The following NKAIN2 variants were observed in gnomAD, a reference collection of about 807,000 sequenced individuals.
NKAIN2 encodes sodium/potassium-transporting ATPase subunit beta-1-interacting protein 2.
A neutral mutation model predicts 32.6 loss-of-function variants in NKAIN2; 14 were observed. The ratio of observed to expected loss-of-function variants is 0.43; its 90% CI spans 0.28 to 0.67. The LOEUF (loss-of-function observed/expected upper bound fraction) is 0.67, where lower values mean the gene tolerates loss of function less well. Ranked by LOEUF, NKAIN2 falls within the 30% of genes least tolerant of loss-of-function variation. NKAIN2 has a pLI of 0.17. For missense variants in NKAIN2, 198 were observed against 258.3 expected (o/e 0.77, Z 1.60); for synonymous variants, 80 against 87.2 (o/e 0.92, Z 0.46).
intron 5 of NKAIN2, among the ~76,000 whole-genome samples, chr6:124,798,077 ATCT>A (rs1780090954): frequency 3.1e-5 from 2 of 64,686 alleles, no homozygotes; most frequent in African/African-American, 7.1e-5. Flanking sequence ...CTATCTATCT[ATCT>A]ATCTATCTAT....
intron 2 of NKAIN2, among the ~76,000 whole-genome samples, chr6:124,304,578 G>A (rs1047770700): frequency 6.6e-6 from 1 of 152,202 alleles, no homozygotes; most frequent in Non-Finnish European, 1.5e-5. Context: ...GCGAGTAGTG[G>A]TCAATAGTAG....
chr6:124,034,192 T>C (rs575744931), intron 1 of NKAIN2, among the ~76,000 whole-genome samples: 2 of 152,072 alleles, frequency 1.3e-5, no homozygotes, highest in Non-Finnish European at 2.9e-5. Flanking sequence ...GTGCACCATG[T>C]AATGCTGGGG....
chr6:124,047,936 T>G (rs1034015069), intron 1 of NKAIN2, among the ~76,000 whole-genome samples: 1 of 152,040 alleles, frequency 6.6e-6, no homozygotes, highest in Non-Finnish European at 1.5e-5. Flanking sequence ...GGCCTATGAA[T>G]CAAATACTAA....
At chr6:123,825,941 G>T (rs1228878246) in intron 1 of NKAIN2, among the ~76,000 whole-genome samples, 1 of 152,150 alleles carries the variant, frequency 6.6e-6, no homozygotes, top group Non-Finnish European at 1.5e-5. Context: ...AAGTGATTAA[G>T]AACTGCTGTG....
At chr6:124,441,997 G>C (rs559068911) in intron 3 of NKAIN2, among the ~76,000 whole-genome samples, 1 of 151,910 alleles carries the variant, frequency 6.6e-6, no homozygotes, top group African/African-American at 2.4e-5. Flanking sequence ...CTAGCACTTG[G>C]GCTGATGCTG....
At chr6:123,957,162 T>C (rs1209933132) in intron 1 of NKAIN2, among the ~76,000 whole-genome samples, 1 of 152,186 alleles carries the variant, frequency 6.6e-6, no homozygotes, top group African/African-American at 2.4e-5. Flanking sequence ...TTTTTATGCG[T>C]ATAAATTGGG....
intron 3 of NKAIN2, among the ~76,000 whole-genome samples, chr6:124,615,854 C>A (rs1782867561): frequency 6.6e-6 from 1 of 152,094 alleles, no homozygotes; most frequent in Admixed American, 6.6e-5. Flanking sequence ...ACTTGTTTCT[C>A]TGCCATCTTC....
chr6:123,825,380 A>T (rs928526), intron 1 of NKAIN2, among the ~76,000 whole-genome samples: 9 of 152,092 alleles, frequency 5.9e-5, no homozygotes, highest in African/African-American at 2.2e-4. Context: ...TTCTAGCTTA[A>T]GTTGTTGATA....
chr6:124,549,870 T>G (rs1243589465), intron 3 of NKAIN2, among the ~76,000 whole-genome samples: 1 of 152,198 alleles, frequency 6.6e-6, no homozygotes, highest in Admixed American at 6.5e-5. Flanking sequence ...AAATGAATTC[T>G]TGGTAATGTT....
At chr6:124,643,288 T>G (rs778687133) in intron 3 of NKAIN2, among the ~76,000 whole-genome samples, 13 of 152,196 alleles carry the variant, frequency 8.5e-5, no homozygotes, top group Non-Finnish European at 1.8e-4. Context: ...TCCCATCTCA[T>G]AAGTATAAGG....
At chr6:124,759,543 C>G (rs898883198) in intron 4 of NKAIN2, among the ~76,000 whole-genome samples, 2 of 148,342 alleles carry the variant, frequency 1.3e-5, no homozygotes, top group Non-Finnish European at 3.0e-5. Context: ...CCACATGGTA[C>G]TTTCTCAAGG....
intron 1 of NKAIN2, among the ~76,000 whole-genome samples, chr6:123,813,112 A>G (rs968310209): frequency 6.6e-6 from 1 of 152,248 alleles, no homozygotes; most frequent in African/African-American, 2.4e-5. Flanking sequence ...TATTTGTATT[A>G]TAGTCTCTGA....
chr6:124,745,745 G>A (rs1481919398), intron 4 of NKAIN2, among the ~76,000 whole-genome samples: 1 of 151,804 alleles, frequency 6.6e-6, no homozygotes, highest in Non-Finnish European at 1.5e-5. Flanking sequence ...GTATTCTTTA[G>A]ACATCTGTTA....
chr6:124,547,647 A>G lies in NKAIN2; in HGVS notation c.274-110539A>G, dbSNP rs189207320. Among the ~76,000 whole-genome samples the G allele has an allele frequency of 2.1e-3, 314 of 152,258 alleles. 2 individuals carry two copies. The highest frequency in any genetic ancestry group is 7.3e-3 in the African/African-American group (304 of 41,572). The stretch of plus-strand genomic sequence containing the variant: ...TAAAAACTGTACTTAAAGAAGCCCC[A>G]GTTTTATACTATTTCTTCATCAACT... On this transcript the variant is annotated intron_variant, in intron 3 of 6. Transcript: ENST00000368417.
chr6:124,492,463 A>G (rs189220618), intron 3 of NKAIN2, among the ~76,000 whole-genome samples: 72 of 152,076 alleles, frequency 4.7e-4, no homozygotes, highest in Admixed American at 4.3e-3. Flanking sequence ...TTTGAATAAA[A>G]TGGAGTGAAT....
intron 3 of NKAIN2, among the ~76,000 whole-genome samples, chr6:124,373,492 C>T (rs1292769098): frequency 6.6e-6 from 1 of 152,014 alleles, no homozygotes. Context: ...ACAGGAGTTT[C>T]AGTCATTAGT....
At chr6:124,018,531 A>T (rs755967443) in intron 1 of NKAIN2, among the ~76,000 whole-genome samples, 5 of 152,062 alleles carry the variant, frequency 3.3e-5, no homozygotes, top group Admixed American at 6.6e-5. Context: ...CTTTCTCCAG[A>T]TACTCTAAAT....
chr6:123,858,003 T>C (rs374304905), intron 1 of NKAIN2, among the ~76,000 whole-genome samples: 3 of 152,210 alleles, frequency 2.0e-5, no homozygotes, highest in East Asian at 3.8e-4. Flanking sequence ...TTCTGCAGTT[T>C]AGAGAGTATA....
At chr6:124,223,212 CAAAAAAAA>C (rs369262954) in intron 1 of NKAIN2, among the ~76,000 whole-genome samples, 89 of 68,224 alleles carry the variant, frequency 1.3e-3, no homozygotes, top group African/African-American at 3.7e-3. Flanking sequence ...GACTCCATCT[CAAAAAAAA>C]AAAAAAAAAA....
Sources: allele counts gnomAD v4.1 joint callset (sites outside exome capture counted in the v4.1 genomes callset), GRCh38; gene constraint gnomAD v4.1.1; transcripts MANE v1.5; gene names NCBI Gene and HGNC (gene_info 2026-07-23, HGNC 2026-07-21).